The following TRAPPC9 variants were observed in gnomAD, a reference collection of about 807,000 sequenced individuals.
The protein encoded by TRAPPC9 is trafficking protein particle complex subunit 9.
Under a neutral mutation model 124.0 loss-of-function variants are expected in TRAPPC9, and 83 were observed. That is an observed-to-expected ratio of 0.67 (90% confidence interval 0.56 to 0.80). The LOEUF (loss-of-function observed/expected upper bound fraction) is 0.80. Among genes scored for constraint, TRAPPC9 ranks in the 30% least tolerant of loss-of-function variants. TRAPPC9 has a pLI of 0.00. For synonymous variants in TRAPPC9, 638 were observed against 617.5 expected (o/e 1.03, Z -0.49); for missense variants, 1,302 against 1,508.3 (o/e 0.86, Z 2.27).
In TRAPPC9 at chr8:139,910,228, T is replaced by G; in HGVS notation, c.2883A>C (p.Ala961=). ...PESPGEKGQF[A]NPKQLEEERR... is the part of the protein sequence containing the mutation. ...GCTCTTCCTCCAGCTGCTTGGGGTTTGCAAATTGCCCCTTCTCCCCAGGGG... is the reference window on the plus strand; with the variant it reads ...GCTCTTCCTCCAGCTGCTTGGGGTTGGCAAATTGCCCCTTCTCCCCAGGGG... The change falls in exon 20 of 23, where the codon GCA becomes GCC. Residue 961 remains alanine, a synonymous_variant. Transcript: ENST00000438773. 6.2e-7 allele frequency: 1 copy of G among 1,614,174 alleles called. No individual in the cohort carries two copies. The highest frequency in any genetic ancestry group is 8.5e-7 in the Non-Finnish European group (1 of 1,180,034).
chr8:140,036,481 G>A (rs953252196), intron 17 of TRAPPC9, among the ~76,000 whole-genome samples: 1 of 135,970 alleles, frequency 7.4e-6, no homozygotes, highest in African/African-American at 3.5e-5. Flanking sequence ...TTAGATTCTT[G>A]ACCGAAAAAA....
At chr8:139,940,714 G>A (rs1244634709) in intron 19 of TRAPPC9, among the ~76,000 whole-genome samples, 1 of 151,974 alleles carries the variant, frequency 6.6e-6, no homozygotes, top group African/African-American at 2.4e-5. Flanking sequence ...AGCCAGAGAG[G>A]AGCCACAGGC....
intron 19 of TRAPPC9, among the ~76,000 whole-genome samples, chr8:139,978,985 G>A (rs972445949): frequency 6.6e-6 from 1 of 152,152 alleles, no homozygotes; most frequent in Non-Finnish European, 1.5e-5. Context: ...AGAGATGTGT[G>A]TGTGGGACTC....
chr8:140,266,009 G>C (rs991704415), intron 15 of TRAPPC9, among the ~76,000 whole-genome samples: 1 of 152,152 alleles, frequency 6.6e-6, no homozygotes, highest in African/African-American at 2.4e-5. Context: ...GTATGTATAT[G>C]TTTCTATTTG....
rs963523528 is a variant in TRAPPC9, at chr8:139,776,718, C to G, written c.3056-44516G>C. ...GGCACATGTGTGCTGGCTTCAAGAG[C>G]TTGGTGTAGGACAGGCTCCCCAGCT... On this transcript the variant is annotated intron_variant, in intron 21 of 22. Transcript: ENST00000438773. The surrounding 1 kb of genome is among the most constrained non-coding windows in gnomAD (Gnocchi z 4.1). 6.6e-6 allele frequency among the ~76,000 whole-genome samples: 1 copy of G among 152,040 alleles called. No homozygotes were observed. Among genetic ancestry groups the G allele is most frequent in the African/African-American group, 2.4e-5 (1 of 41,390 alleles).
chr8:140,292,541 C>A (rs2065689566), intron 11 of TRAPPC9, among the ~76,000 whole-genome samples: 1 of 152,220 alleles, frequency 6.6e-6, no homozygotes, highest in South Asian at 2.1e-4. Context: ...ACACACTCTG[C>A]AACCTGCACA....
intron 21 of TRAPPC9, among the ~76,000 whole-genome samples, chr8:139,748,062 G>A (rs1161230417): frequency 6.9e-5 from 2 of 29,008 alleles, no homozygotes; most frequent in Non-Finnish European, 1.2e-4. Flanking sequence ...GGGGTGTCCC[G>A]GGGTCAGAGC....
At chr8:140,084,621 C>T (rs528600760) in intron 17 of TRAPPC9, among the ~76,000 whole-genome samples, 24 of 152,334 alleles carry the variant, frequency 1.6e-4, no homozygotes, top group Non-Finnish European at 2.8e-4. Flanking sequence ...GCCCAAGAAC[C>T]GCCGAGGACA....
At chr8:139,958,681 G>A (rs558558587) in intron 19 of TRAPPC9, among the ~76,000 whole-genome samples, 2 of 152,264 alleles carry the variant, frequency 1.3e-5, no homozygotes, top group East Asian at 1.9e-4. Flanking sequence ...GTAGCCCCAG[G>A]AACACGGTGT....
intron 21 of TRAPPC9, among the ~76,000 whole-genome samples, chr8:139,832,853 G>A (rs1183438643): frequency 6.6e-6 from 1 of 152,194 alleles, no homozygotes; most frequent in Admixed American, 6.5e-5. Context: ...GGGAACTTGG[G>A]AATGTTATGG....
chr8:139,949,437 C>T (rs1432950363), intron 19 of TRAPPC9, among the ~76,000 whole-genome samples: 1 of 152,144 alleles, frequency 6.6e-6, no homozygotes, highest in East Asian at 1.9e-4. Flanking sequence ...TATAAAAACG[C>T]ACACAAGAGC....
Position 140,287,678 on chromosome 8 carries a change from C to T in TRAPPC9, c.1911G>A (p.Pro637=), listed in dbSNP as rs148353187. The T allele has an allele frequency of 8.1e-5, 131 of 1,614,178 alleles. No individual in the cohort carries two copies. Among genetic ancestry groups the T allele is most frequent in the African/African-American group, 2.1e-4 (16 of 75,042 alleles). The change falls in exon 13 of 23, where the codon CCG becomes CCA. Residue 637 remains proline (P), a synonymous_variant. Coordinates refer to ENST00000438773, the MANE Select transcript of TRAPPC9 (RefSeq NM_001160372.4). Reference sequence around the variant, plus strand: ...TCACTGGGTACAGACCAGATTCAGCCGGAAGAGAAAGCGCCGCAGGGAGAG... The same window carrying T: ...TCACTGGGTACAGACCAGATTCAGCTGGAAGAGAAAGCGCCGCAGGGAGAG... ...FESLPAALSL[P]AESGLYPVTL...
At chr8:140,202,015 G>A (rs1417569699) in intron 17 of TRAPPC9, among the ~76,000 whole-genome samples, 2 of 152,152 alleles carry the variant, frequency 1.3e-5, no homozygotes, top group Non-Finnish European at 2.9e-5. Flanking sequence ...TTTGGAGTCA[G>A]GCACACATGA....
Position 139,786,692 on chromosome 8 carries a change from TTATGGTATATGCATACA to T in TRAPPC9, c.3056-54507_3056-54491del, listed in dbSNP as rs1274380680. Among the ~76,000 whole-genome samples, 5 of 152,290 alleles carry T rather than the reference TTATGGTATATGCATACA, an allele frequency of 3.3e-5. No individual in the cohort carries two copies. The East Asian group carries it at 9.6e-4, about 29-fold the overall frequency. On this transcript the variant is annotated intron_variant, in intron 21 of 22. Transcript: ENST00000438773. ...CTATCAAGTGAGTGGATCAGAACTG[TTATGGTATATGCATACA>T]GTGGAATACTACTCAGCAGAACAAA...
At chr8:140,075,461 C>T (rs1409340054) in intron 17 of TRAPPC9, among the ~76,000 whole-genome samples, 2 of 152,182 alleles carry the variant, frequency 1.3e-5, no homozygotes, top group African/African-American at 2.4e-5. Flanking sequence ...ACATCCCTCT[C>T]CTCCTCCAGC....
At chr8:139,865,320 TGAG>T (rs1407134438) in intron 21 of TRAPPC9, among the ~76,000 whole-genome samples, 1 of 152,230 alleles carries the variant, frequency 6.6e-6, no homozygotes, top group Non-Finnish European at 1.5e-5. Flanking sequence ...GAGGACTCCT[TGAG>T]GAGACGGACT....
intron 17 of TRAPPC9, among the ~76,000 whole-genome samples, chr8:140,139,314 G>C (rs1004574589): frequency 6.6e-6 from 1 of 152,076 alleles, no homozygotes; most frequent in African/African-American, 2.4e-5. Flanking sequence ...AACCCTCCCT[G>C]GGAGAGTTAG....
chr8:140,189,702 T>G (rs2062439303), intron 17 of TRAPPC9, among the ~76,000 whole-genome samples: 2 of 151,836 alleles, frequency 1.3e-5, no homozygotes, highest in African/African-American at 4.8e-5. Flanking sequence ...GATTTTTTTT[T>G]TTACAAGGAT....
chr8:140,191,636 C>T (rs553667377), intron 17 of TRAPPC9, among the ~76,000 whole-genome samples: 1 of 152,348 alleles, frequency 6.6e-6, no homozygotes, highest in East Asian at 1.9e-4. Context: ...CAAGCAGATG[C>T]TGGCACCATG....
Sources: allele counts gnomAD v4.1 joint callset (sites outside exome capture counted in the v4.1 genomes callset), GRCh38; gene constraint gnomAD v4.1.1; non-coding constraint Gnocchi (gnomAD v3.1); transcripts MANE v1.5; gene names NCBI Gene and HGNC (gene_info 2026-07-23, HGNC 2026-07-21).